BCLAF3: variants seen among roughly 807,000 people sequenced by gnomAD.
BCLAF3 encodes transient octamer binding factor 1.
Under a neutral mutation model 51.2 loss-of-function variants are expected in BCLAF3, and 24 were observed. The ratio of observed to expected loss-of-function variants is 0.47; its 90% CI spans 0.34 to 0.66. The LOEUF (loss-of-function observed/expected upper bound fraction) is 0.66, where lower values mean the gene tolerates loss of function less well. Ranked by LOEUF, BCLAF3 falls within the 30% of genes least tolerant of loss-of-function variation. BCLAF3 has a pLI of 0.01. For missense variants in BCLAF3, 465 were observed against 525.1 expected (o/e 0.89, Z 1.12); for synonymous variants, 152 against 176.6 (o/e 0.86, Z 1.10).
chrX:19,922,422 T>C (rs2070198247), intron 11 of BCLAF3, among the ~76,000 whole-genome samples: 1 of 112,039 alleles, frequency 8.9e-6, no homozygotes, highest in African/African-American at 3.2e-5. Context: ...CAACAGTATA[T>C]ATGAATACAT....
intron 8 of BCLAF3, among the ~76,000 whole-genome samples, chrX:19,937,982 C>G (rs1386022773): frequency 1.8e-5 from 2 of 111,737 alleles, no homozygotes; most frequent in Non-Finnish European, 3.8e-5. Context: ...AGGTGTATGA[C>G]TGGCTCAGGG....
At chrX:19,941,095 T>C (rs1304197148) in intron 8 of BCLAF3, among the ~76,000 whole-genome samples, 3 of 110,532 alleles carry the variant, frequency 2.7e-5, no homozygotes, top group African/African-American at 6.8e-5. Flanking sequence ...ATTCATGTCC[T>C]TTGCCCACTT....
chrX:19,935,319 A>G (rs972447667), intron 10 of BCLAF3: 3 of 114,693 alleles, frequency 2.6e-5, no homozygotes, highest in Non-Finnish European at 5.5e-5. Flanking sequence ...AGATGTACCA[A>G]TAATTAGAGT....
At chrX:19,969,085 C>A (rs1208901111) in intron 2 of BCLAF3, among the ~76,000 whole-genome samples, 1 of 111,331 alleles carries the variant, frequency 9.0e-6, no homozygotes, top group Non-Finnish European at 1.9e-5. Flanking sequence ...TGCACTCCAG[C>A]CTGGGCGACA....
Position 19,966,261 on chromosome X carries a change from T to C in BCLAF3, c.430A>G (p.Arg144Gly), listed in dbSNP as rs760087705. 8.3e-7 allele frequency: 1 copy of C among 1,211,844 alleles called. No homozygotes were observed. Among genetic ancestry groups the C allele is most frequent in the Non-Finnish European group, 1.1e-6 (1 of 895,519 alleles). ...VQGGHSPDDHRVRGSGKGGKP... is the reference protein window; with the variant it reads ...VQGGHSPDDHGVRGSGKGGKP... ...CCTCCTTTTCCACTTCCTCTAACTC[T>C]GTGGTCATCAGGACTATGCCCTCCT... The change falls in exon 3 of 12, where the codon AGA becomes GGA. Residue 144 changes from arginine (R) to glycine (G), a missense_variant. By Grantham distance (125) the Arg-to-Gly change is moderately radical (BLOSUM62 -2). Coordinates refer to ENST00000379682, the MANE Select transcript of BCLAF3 (RefSeq NM_001367774.2).
chrX:19,983,616 G>A (rs1005033910), intron 1 of BCLAF3, among the ~76,000 whole-genome samples: 3 of 111,087 alleles, frequency 2.7e-5, no homozygotes, highest in African/African-American at 9.8e-5. Context: ...TCAGGAGGCT[G>A]AGGCAGGAGA....
chrX:19,957,161 G>T (rs193157150), intron 4 of BCLAF3, among the ~76,000 whole-genome samples: 1 of 111,843 alleles, frequency 8.9e-6, no homozygotes, highest in African/African-American at 3.2e-5. Context: ...GCAGCAGGTT[G>T]ACCGCACTGC....
intron 8 of BCLAF3, among the ~76,000 whole-genome samples, chrX:19,938,115 C>G (rs1360459614): frequency 1.8e-5 from 2 of 111,437 alleles, no homozygotes; most frequent in Admixed American, 9.5e-5. Flanking sequence ...GCAGCCCTAT[C>G]TGGGAGGGAG....
At position 19,966,325 on chromosome X, in the gene BCLAF3, G is replaced by A; in HGVS notation, c.366C>T (p.Tyr122=). The A allele has an allele frequency of 8.3e-7, 1 of 1,211,293 alleles. No individual in the cohort carries two copies. Among genetic ancestry groups the A allele is most frequent in the Non-Finnish European group, 1.1e-6 (1 of 895,327 alleles). The part of the protein sequence containing the change: ...YMPKYSEGIP[Y]KEHERNSYPQ... ...GATAAGAATTCCTTTCATGCTCTTT[G>A]TAGGGTATACCCTCTGAGTATTTGG... The change falls in exon 3 of 12, where the codon TAC becomes TAT. Residue 122 remains tyrosine, a synonymous_variant. Transcript: ENST00000379682.
At chrX:19,967,843 T>G (rs890984996) in intron 2 of BCLAF3, among the ~76,000 whole-genome samples, 1 of 112,313 alleles carries the variant, frequency 8.9e-6, no homozygotes, top group Non-Finnish European at 1.9e-5. Flanking sequence ...CTTCCTCATG[T>G]ACCTACTAGG....
In BCLAF3 at chrX:19,915,059, A is replaced by C. The variant is rs1035085777; in HGVS notation, c.*2246T>G. On this transcript the variant is annotated 3_prime_UTR_variant, in exon 12 of 12. Coordinates refer to ENST00000379682, the MANE Select transcript of BCLAF3 (RefSeq NM_001367774.2). The stretch of plus-strand genomic sequence containing the variant: ...AGTACCAGCGAAGGGCCTAGCACGT[A>C]GTGGAGGAAGGTGAGGAGGCAATGG... 3 of 105,036 alleles carry C rather than the reference A, an allele frequency of 2.9e-5. No homozygotes were observed. The highest frequency in any genetic ancestry group is 1.0e-4 in the Admixed American group (1 of 9,679). The allele number at this position is 105,036 out of a possible 1,213,427, so 8.7% of individuals were successfully genotyped here. A position where few individuals can be genotyped will look rare whatever the true frequency, so the allele number is the denominator to read the frequency against.
intron 10 of BCLAF3, among the ~76,000 whole-genome samples, chrX:19,933,879 T>G (rs1485756835): frequency 9.0e-6 from 1 of 111,607 alleles, no homozygotes; most frequent in Non-Finnish European, 1.9e-5. Context: ...GAAGCGATCT[T>G]CCCACCTCAG....
intron 1 of BCLAF3, among the ~76,000 whole-genome samples, chrX:19,982,844 T>C (rs193141324): frequency 9.0e-6 from 1 of 110,859 alleles, no homozygotes; most frequent in Non-Finnish European, 1.9e-5. Context: ...TAAATGTGGG[T>C]GGGCTTAATC....
intron 11 of BCLAF3, among the ~76,000 whole-genome samples, chrX:19,920,725 G>A (rs1054107110): frequency 3.7e-5 from 4 of 109,430 alleles, no homozygotes; most frequent in Admixed American, 2.0e-4. Flanking sequence ...GGAGGCTGAG[G>A]TGGGAGGATC....
At chrX:19,964,768 C>T (rs1402754980) in intron 4 of BCLAF3, among the ~76,000 whole-genome samples, 4 of 111,353 alleles carry the variant, frequency 3.6e-5, no homozygotes, top group African/African-American at 1.3e-4. Context: ...AGCATAAAAA[C>T]ACGTGAATTC....
intron 8 of BCLAF3, among the ~76,000 whole-genome samples, chrX:19,950,161 A>G (rs1489117811): frequency 2.7e-5 from 3 of 112,141 alleles, no homozygotes. Context: ...CCAGAGACTA[A>G]GCAAATTTGT....
intron 2 of BCLAF3, among the ~76,000 whole-genome samples, chrX:19,967,017 A>C (rs1316900154): frequency 9.0e-6 from 1 of 111,556 alleles, no homozygotes. Context: ...CAGTCAACAA[A>C]AGCTTACATC....
Position 19,979,663 on chromosome X carries a change from C to T in BCLAF3, c.-34-9365G>A, listed in dbSNP as rs185702797. On this transcript the variant is annotated intron_variant, in intron 1 of 11. Coordinates refer to ENST00000379682, the MANE Select transcript of BCLAF3 (RefSeq NM_001367774.2). ...TCATTTGAGGATATTAAAAAACCTA[C>T]CTTGAATCAGAAATTCACAAACTAA... Among the ~76,000 whole-genome samples, 213 of 109,432 alleles carry T rather than the reference C, an allele frequency of 1.9e-3. 1 individual carries two copies. The highest frequency in any genetic ancestry group is 6.0e-3 in the African/African-American group (180 of 30,074).
At chrX:19,970,117 T>C (rs2072207566) in intron 2 of BCLAF3, 107 bp downstream of exon 2, 1 of 627,925 alleles carries the variant, frequency 1.6e-6, no homozygotes, top group East Asian at 3.2e-5. Context: ...ATAAAGTACC[T>C]ACTGTGAATA....
Sources: gnomAD v4.1 joint callset for allele counts (sites outside exome capture counted in the v4.1 genomes callset) on GRCh38, gnomAD v4.1.1 for gene constraint, MANE v1.5 for transcripts, NCBI Gene and HGNC (gene_info 2026-07-23, HGNC 2026-07-21) for gene names.